Variants in VRTN observed in about 807,000 individuals in gnomAD.
VRTN encodes vertebrae development associated, also known as vertnin.
VRTN carries 5 observed loss-of-function variants against 18.2 expected under a neutral mutation model. That is an observed-to-expected ratio of 0.27 (90% CI 0.14 to 0.58). The LOEUF (loss-of-function observed/expected upper bound fraction) is 0.58. Ranked by LOEUF, VRTN falls within the 20% of genes least tolerant of loss-of-function variation. The pLI is 0.91. For synonymous variants in VRTN, 381 were observed against 393.7 expected (o/e 0.97, Z 0.38); for missense variants, 741 against 939.4 (o/e 0.79, Z 2.76).
intron 1 of VRTN, among the ~76,000 whole-genome samples, chr14:74,322,275 G>A (rs778489206): frequency 6.6e-6 from 1 of 151,746 alleles, no homozygotes; most frequent in Non-Finnish European, 1.5e-5. Flanking sequence ...TCAGCCTCTT[G>A]AGTAGCTGGG....
At chr14:74,309,304 A>C (rs2085373784) in intron 1 of VRTN, among the ~76,000 whole-genome samples, 1 of 152,136 alleles carries the variant, frequency 6.6e-6, no homozygotes, top group Non-Finnish European at 1.5e-5. Flanking sequence ...TTGTGTTCAC[A>C]CTACTGTGTC....
intron 1 of VRTN, among the ~76,000 whole-genome samples, chr14:74,324,185 G>A (rs2085473123): frequency 3.3e-5 from 5 of 151,594 alleles, no homozygotes; most frequent in South Asian, 2.1e-4. Flanking sequence ...TCAGGAGTTC[G>A]AGACCAGCCT....
intron 1 of VRTN, among the ~76,000 whole-genome samples, chr14:74,304,300 G>T (rs1005288871): frequency 2.6e-5 from 4 of 151,884 alleles, no homozygotes; most frequent in African/African-American, 9.7e-5. Flanking sequence ...GGGATTACAG[G>T]CATGCACCAC....
rs142468426 is a variant in VRTN, at chr14:74,322,737, G to A, written c.-163-14986G>A. Among the ~76,000 whole-genome samples, 500 of 152,258 alleles carry A rather than the reference G, an allele frequency of 3.3e-3. 2 individuals carry two copies. Among genetic ancestry groups the A allele is most frequent in the African/African-American group, 0.012 (485 of 41,536 alleles). On this transcript the variant is annotated intron_variant, in intron 1 of 2. Coordinates refer to the VRTN transcript ENST00000557177. Reference sequence around the variant, plus strand: ...GGAACAGAAGCTCCTCAAAGTCTCCGGTTGCCTCCAATTCTCCTTTCTATC... The same window carrying A: ...GGAACAGAAGCTCCTCAAAGTCTCCAGTTGCCTCCAATTCTCCTTTCTATC...
In VRTN at chr14:74,356,870, T is replaced by C. The variant is rs2085731243; in HGVS notation, c.87T>C (p.Gly29=). 5.0e-6 allele frequency: 8 copies of C among 1,613,848 alleles called. No individual in the cohort carries two copies. The highest frequency in any genetic ancestry group is 2.2e-5 in the East Asian group (1 of 44,852). The part of the protein sequence containing the change: ...VECEGLEGLI[G]ASLEAKQVLS... Reference sequence around the variant, plus strand: ...GCGAAGGCCTGGAGGGTCTCATAGGTGCTTCCTTGGAGGCCAAGCAGGTCC... The same window carrying C: ...GCGAAGGCCTGGAGGGTCTCATAGGCGCTTCCTTGGAGGCCAAGCAGGTCC... Residue 29 remains glycine, a synonymous_variant, in exon 2 of 2, where the codon GGT becomes GGC. Transcript: ENST00000256362.
At chr14:74,319,037 G>T (rs563382141) in intron 1 of VRTN, among the ~76,000 whole-genome samples, 6 of 149,314 alleles carry the variant, frequency 4.0e-5, no homozygotes, top group African/African-American at 1.5e-4. Flanking sequence ...TTTGTTGTTT[G>T]TTTGTTTTGA....
rs35884901 is a variant in VRTN, at chr14:74,320,563, C to CT, written c.-163-17119dup. 4.7e-4 allele frequency among the ~76,000 whole-genome samples: 21 copies of CT among 45,026 alleles called. 6 individuals carry two copies. The highest frequency in any genetic ancestry group is 8.9e-4 in the Non-Finnish European group (20 of 22,410). 29.5% of individuals were successfully genotyped at this position (45,026 alleles called of 152,430 possible). ...AGACTTGAGCCACTGCGCCCGGCCT[C>CT]TTTTTTTTTTTTTTTTTTTTTTTTT... On this transcript the variant is annotated intron_variant, in intron 1 of 2. Transcript: ENST00000557177.
At chr14:74,355,920 T>G (rs2085724271) in intron 1 of VRTN, among the ~76,000 whole-genome samples, 1 of 150,520 alleles carries the variant, frequency 6.6e-6, no homozygotes, top group South Asian at 2.1e-4. Flanking sequence ...CAGCCTCGGA[T>G]TCCCAGGCTC....
chr14:74,325,840 C>T (rs1041706073), intron 1 of VRTN, among the ~76,000 whole-genome samples: 1 of 152,122 alleles, frequency 6.6e-6, no homozygotes, highest in Admixed American at 6.6e-5. Flanking sequence ...AGATTAATCT[C>T]TCTGGCAACA....
intron 2 of VRTN, chr14:74,337,972 C>T (rs900661425): frequency 2.0e-5 from 3 of 152,030 alleles, no homozygotes; most frequent in Non-Finnish European, 4.4e-5. Flanking sequence ...AGTTATTAAG[C>T]ACACCCAAAA....
chr14:74,332,429 A>G (rs1025653515), intron 1 of VRTN, among the ~76,000 whole-genome samples: 1 of 130,006 alleles, frequency 7.7e-6, no homozygotes, highest in Non-Finnish European at 1.5e-5. Flanking sequence ...ATCTCGGCTC[A>G]CTGCAACTTC....
In VRTN at chr14:74,358,036, T is replaced by C; in HGVS notation, c.1253T>C (p.Leu418Pro). The change falls in exon 2 of 2, where the codon CTG (leucine) becomes CCG (proline). Residue 418 changes from leucine (L) to proline (P), a missense_variant. Transcript: ENST00000256362. The surrounding 1 kb of genome is among the most constrained non-coding windows in gnomAD (Gnocchi z 5.4). Reference sequence around the variant, plus strand: ...GAGCATTGCATCTCCCTGAACACACTGGTACCCTATCGCTGCTTCAAACGC... The same window carrying C: ...GAGCATTGCATCTCCCTGAACACACCGGTACCCTATCGCTGCTTCAAACGC... Reference protein sequence around the residue: ...YLEHCISLNTLVPYRCFKRRF... With the variant: ...YLEHCISLNTPVPYRCFKRRF... The C allele has an allele frequency of 6.2e-7, 1 of 1,614,226 alleles. No individual in the cohort carries two copies. The highest frequency in any genetic ancestry group is 1.3e-5 in the African/African-American group (1 of 75,058).
chr14:74,332,228 T>G (rs2085530763), intron 1 of VRTN, among the ~76,000 whole-genome samples: 1 of 151,614 alleles, frequency 6.6e-6, no homozygotes, highest in Admixed American at 6.6e-5. Context: ...AGCTTCCATT[T>G]CCTCCTCCCT....
At chr14:74,324,329 A>G (rs1033945112) in intron 1 of VRTN, among the ~76,000 whole-genome samples, 13 of 145,290 alleles carry the variant, frequency 8.9e-5, no homozygotes, top group Non-Finnish European at 1.8e-4. Flanking sequence ...CAGAGGTTGC[A>G]GTGAGCTGAG....
chr14:74,332,341 T>TG, intron 1 of VRTN, among the ~76,000 whole-genome samples: 1 of 22,408 alleles, frequency 4.5e-5, no homozygotes, highest in African/African-American at 4.6e-4. Flanking sequence ...ATCTGTTTTT[T>TG]TTTTTTTTTT....
chr14:74,351,363 C>T (rs1212232252), intron 1 of VRTN, among the ~76,000 whole-genome samples: 2 of 151,894 alleles, frequency 1.3e-5, no homozygotes, highest in Non-Finnish European at 2.9e-5. Context: ...TAATAAAAGC[C>T]AACTTCTAGA....
rs1204309047 is a variant in VRTN at position 74,359,989 on chromosome 14, A to T, written c.*1097A>T. ...AGTAACGTTTGAAAACCAAAGAAAT[A>T]AAGTGATGCAGTGCCCACAGTGCTT... On this transcript the variant is annotated 3_prime_UTR_variant, in exon 2 of 2. Transcript: ENST00000256362. The T allele has an allele frequency of 6.0e-6, 1 of 166,976 alleles. No homozygotes were observed. The highest frequency in any genetic ancestry group is 2.4e-5 in the African/African-American group (1 of 41,410). The allele number at this position is 166,976 out of a possible 1,614,324, so 10.3% of individuals were successfully genotyped here.
At chr14:74,355,721 A>T (rs1448969702) in intron 1 of VRTN, among the ~76,000 whole-genome samples, 1 of 151,300 alleles carries the variant, frequency 6.6e-6, no homozygotes, top group Non-Finnish European at 1.5e-5. Flanking sequence ...TTGTATTTTT[A>T]GTAGCAATGG....
chr14:74,331,908 T>TG (rs58808785), intron 1 of VRTN, among the ~76,000 whole-genome samples: 22 of 152,218 alleles, frequency 1.4e-4, no homozygotes, highest in African/African-American at 5.3e-4. Flanking sequence ...AAGGGACACT[T>TG]GGGGTGGGAA....
Sources: allele counts gnomAD v4.1 joint callset (sites outside exome capture counted in the v4.1 genomes callset), GRCh38; gene constraint gnomAD v4.1.1; non-coding constraint Gnocchi (gnomAD v3.1); transcripts MANE v1.5; gene names NCBI Gene and HGNC (gene_info 2026-07-23, HGNC 2026-07-21).